The following SATL1 variants were observed in gnomAD, a reference collection of about 807,000 sequenced individuals.
SATL1 encodes the protein spermidine/spermine N1-acetyl transferase like 1.
Under a neutral mutation model 51.8 loss-of-function variants are expected in SATL1, and 47 were observed. That is an observed-to-expected ratio of 0.91 (90% CI 0.72 to 1.16). The LOEUF (loss-of-function observed/expected upper bound fraction) is 1.16. Among genes scored for constraint, SATL1 ranks in the 50% most tolerant of loss-of-function variants. SATL1 has a pLI of 0.00. For missense variants in SATL1, 520 were observed against 526.4 expected, an observed-to-expected ratio of 0.99 and a Z score of 0.12; for synonymous variants, 176 against 182.4, an observed-to-expected ratio of 0.97 and a Z score of 0.28.
At chrX:85,215,259 G>T (rs934433221) in intron 2 of SATL1, among the ~76,000 whole-genome samples, 6 of 111,353 alleles carry the variant, frequency 5.4e-5, no homozygotes, top group Non-Finnish European at 1.1e-4. Context: ...CAGAACCTGG[G>T]CCTGGCTCCC....
At chrX:85,146,366 A>C (rs1926239377) in intron 2 of SATL1, among the ~76,000 whole-genome samples, 1 of 111,846 alleles carries the variant, frequency 8.9e-6, no homozygotes, top group Admixed American at 9.5e-5. Context: ...AGAAAGGATA[A>C]ATGCTTGAGG....
chrX:85,097,779 G>T (rs1250956638), intron 4 of SATL1, among the ~76,000 whole-genome samples: 2 of 112,055 alleles, frequency 1.8e-5, no homozygotes, highest in Non-Finnish European at 3.8e-5. Flanking sequence ...AAATTAGATT[G>T]TTATAACCAT....
chrX:85,162,569 G>C (rs982376170), intron 2 of SATL1, among the ~76,000 whole-genome samples: 2 of 111,143 alleles, frequency 1.8e-5, no homozygotes, highest in Non-Finnish European at 1.9e-5. Flanking sequence ...GGACTTTCAA[G>C]TACTATGTTG....
chrX:85,112,462 T>C (rs972220051), intron 2 of SATL1, among the ~76,000 whole-genome samples: 1 of 111,646 alleles, frequency 9.0e-6, no homozygotes, highest in Non-Finnish European at 1.9e-5. Flanking sequence ...CTTAGGTCTA[T>C]ATATGTTGAC....
chrX:85,156,813 TTATATA>T (rs71933802), intron 2 of SATL1, among the ~76,000 whole-genome samples: 1,142 of 61,036 alleles, frequency 0.019, 8 homozygotes, highest in African/African-American at 0.034. Context: ...CATGTGGAGA[TTATATA>T]TATATATATA....
At position 85,224,977 on chromosome X, in the gene SATL1, A is replaced by G. The variant is rs540165110; in HGVS notation, c.-434-651T>C. On this transcript the variant is annotated intron_variant, in intron 1 of 7. Coordinates refer to ENST00000644105, the MANE Select transcript of SATL1 (RefSeq NM_001367857.2). Reference sequence around the variant, plus strand: ...AGCTATACATACATACAACAACCTGAATGGATCCCCAAAGATTATGCTAAG... The same window carrying G: ...AGCTATACATACATACAACAACCTGGATGGATCCCCAAAGATTATGCTAAG... Among the ~76,000 whole-genome samples, 11 of 111,108 alleles carry G rather than the reference A, an allele frequency of 9.9e-5. No homozygotes were observed. The South Asian group carries it at 4.2e-3, about 42-fold the overall frequency.
intron 2 of SATL1, among the ~76,000 whole-genome samples, chrX:85,175,533 A>C (rs73234613): frequency 0.11 from 12,098 of 111,130 alleles, 568 homozygotes; most frequent in South Asian, 0.17. Flanking sequence ...ACATTTGCAA[A>C]TCATATTTTA....
chrX:85,217,757 T>TA (rs1275953863), intron 2 of SATL1, among the ~76,000 whole-genome samples: 3 of 111,545 alleles, frequency 2.7e-5, no homozygotes. Context: ...ATTTGATACT[T>TA]AATGTTTCCT....
chrX:85,158,095 T>G (rs1225159350), intron 2 of SATL1, among the ~76,000 whole-genome samples: 3 of 111,706 alleles, frequency 2.7e-5, no homozygotes, highest in African/African-American at 9.8e-5. Flanking sequence ...AAGCTAAGAC[T>G]TAGATGAAGT....
At chrX:85,186,192 C>T (rs1200387102) in intron 2 of SATL1, among the ~76,000 whole-genome samples, 1 of 106,941 alleles carries the variant, frequency 9.4e-6, no homozygotes, top group Non-Finnish European at 1.9e-5. Context: ...AGCTGGTATC[C>T]AAGTTGCAAG....
chrX:85,197,378 C>A (rs570113517), intron 2 of SATL1, among the ~76,000 whole-genome samples: 1 of 110,692 alleles, frequency 9.0e-6, no homozygotes, highest in South Asian at 3.8e-4. Flanking sequence ...CAAAAAAATC[C>A]TTTTAGTTAT....
rs762486246 is a variant in SATL1 at position 85,198,709 on chromosome X, T to C, written c.-313+25496A>G. On this transcript the variant is annotated intron_variant, in intron 2 of 7. Transcript: ENST00000644105. Reference sequence around the variant, plus strand: ...ATAATCACATCATGTAAAAATGGGGTATCCATCCCCTCAAGCATGTATCCT... The same window carrying C: ...ATAATCACATCATGTAAAAATGGGGCATCCATCCCCTCAAGCATGTATCCT... Among the ~76,000 whole-genome samples the C allele has an allele frequency of 3.6e-5, 4 of 111,289 alleles. No individual in the cohort carries two copies. The East Asian group carries it at 1.1e-3, about 31-fold the overall frequency.
intron 1 of SATL1, among the ~76,000 whole-genome samples, chrX:85,227,973 C>T (rs1373183963): frequency 9.0e-6 from 1 of 110,803 alleles, no homozygotes; most frequent in Non-Finnish European, 1.9e-5. Flanking sequence ...GGATTTACTT[C>T]AAAATAATCT....
At chrX:85,151,497 C>T (rs1293791314) in intron 2 of SATL1, among the ~76,000 whole-genome samples, 1 of 111,546 alleles carries the variant, frequency 9.0e-6, no homozygotes, top group African/African-American at 3.3e-5. Context: ...AAAAAGGAGC[C>T]TGCATTGCCA....
At chrX:85,188,055 G>A (rs1479457317) in intron 2 of SATL1, among the ~76,000 whole-genome samples, 1 of 111,194 alleles carries the variant, frequency 9.0e-6, no homozygotes, top group East Asian at 2.8e-4. Flanking sequence ...CTATGATTCT[G>A]TGAAATTATC....
At chrX:85,235,358 T>C (rs1365858133) in intron 1 of SATL1, among the ~76,000 whole-genome samples, 1 of 111,285 alleles carries the variant, frequency 9.0e-6, no homozygotes, top group African/African-American at 3.3e-5. Context: ...CAAATGAACC[T>C]AATAGATATT....
chrX:85,190,200 A>T (rs1019230713), intron 2 of SATL1, among the ~76,000 whole-genome samples: 1 of 112,277 alleles, frequency 8.9e-6, no homozygotes, highest in Non-Finnish European at 1.9e-5. Flanking sequence ...AGTATATCAA[A>T]AACGTTTTTC....
intron 2 of SATL1, among the ~76,000 whole-genome samples, chrX:85,205,729 G>T (rs750771423): frequency 2.1e-4 from 23 of 111,737 alleles, no homozygotes; most frequent in Non-Finnish European, 3.6e-4. Context: ...TGGTTTTGTT[G>T]TCAGTTCAGT....
chrX:85,237,528 T>C (rs1928504197), intron 1 of SATL1, among the ~76,000 whole-genome samples: 1 of 111,449 alleles, frequency 9.0e-6, no homozygotes, highest in Non-Finnish European at 1.9e-5. Context: ...AGAATGAAAC[T>C]AGATCCCTAT....
Sources: gnomAD v4.1 joint callset for allele counts (sites outside exome capture counted in the v4.1 genomes callset) on GRCh38, gnomAD v4.1.1 for gene constraint, MANE v1.5 for transcripts, NCBI Gene and HGNC (gene_info 2026-07-23, HGNC 2026-07-21) for gene names.